TRPC4: variants seen among roughly 807,000 people sequenced by gnomAD.
TRPC4 encodes transient receptor potential cation channel subfamily C member 4.
A neutral mutation model predicts 99.4 loss-of-function variants in TRPC4; 49 were observed. The ratio of observed to expected loss-of-function variants is 0.49; its 90% CI spans 0.39 to 0.63. The LOEUF is 0.63. TRPC4 is among the 20% of genes least tolerant of loss of function. The pLI, the probability that TRPC4 is intolerant of heterozygous loss-of-function variation, is 0.00. For missense variants in TRPC4, 898 were observed against 1,152.9 expected (o/e 0.78, Z 3.20); for synonymous variants, 454 against 425.9 (o/e 1.07, Z -0.81).
chr13:37,713,508 A>T (rs1954555367), intron 3 of TRPC4, among the ~76,000 whole-genome samples: 1 of 152,138 alleles, frequency 6.6e-6, no homozygotes, highest in South Asian at 2.1e-4. Context: ...GTTTCTCATT[A>T]TCTGAATAAC....
At chr13:37,723,554 T>G (rs1353733064) in intron 3 of TRPC4, among the ~76,000 whole-genome samples, 1 of 152,118 alleles carries the variant, frequency 6.6e-6, no homozygotes, top group Non-Finnish European at 1.5e-5. Flanking sequence ...AAATTATTGT[T>G]TTTTTGTTTT....
chr13:37,727,173 C>T (rs1229080831), intron 3 of TRPC4, among the ~76,000 whole-genome samples: 6 of 151,960 alleles, frequency 3.9e-5, no homozygotes, highest in Admixed American at 3.3e-4. Context: ...GGGTAGACCA[C>T]GTGTTAGGTC....
chr13:37,732,716 C>T (rs540013860), intron 3 of TRPC4, among the ~76,000 whole-genome samples: 77 of 152,018 alleles, frequency 5.1e-4, no homozygotes, highest in African/African-American at 1.8e-3. Flanking sequence ...ATTTCATTTA[C>T]AAAAGGTACA....
chr13:37,747,533 G>C (rs1171156092), intron 2 of TRPC4, among the ~76,000 whole-genome samples: 1 of 152,004 alleles, frequency 6.6e-6, no homozygotes, highest in Admixed American at 6.6e-5. Flanking sequence ...GATGACTCAC[G>C]TCACATTGAA....
intron 3 of TRPC4, among the ~76,000 whole-genome samples, chr13:37,726,681 A>G (rs1014806630): frequency 2.0e-5 from 3 of 152,166 alleles, no homozygotes; most frequent in Non-Finnish European, 4.4e-5. Flanking sequence ...TGAATAAGAC[A>G]TGGCTCAACT....
At chr13:37,684,710 A>G (rs1382591925) in intron 4 of TRPC4, among the ~76,000 whole-genome samples, 1 of 151,870 alleles carries the variant, frequency 6.6e-6, no homozygotes, top group Non-Finnish European at 1.5e-5. Flanking sequence ...ACCACCTTCC[A>G]CTTAATACAA....
intron 2 of TRPC4, among the ~76,000 whole-genome samples, chr13:37,776,558 C>A (rs997892855): frequency 6.6e-6 from 1 of 151,736 alleles, no homozygotes; most frequent in African/African-American, 2.4e-5. Flanking sequence ...CAGGATTTGA[C>A]CTCAAACAGG....
intron 3 of TRPC4, among the ~76,000 whole-genome samples, chr13:37,735,233 T>A (rs558049151): frequency 2.8e-3 from 426 of 152,246 alleles, no homozygotes; most frequent in African/African-American, 9.5e-3. Context: ...CCCTCTCACA[T>A]GCATAATTTA....
chr13:37,827,249 G>A lies in TRPC4; in HGVS notation c.-28+42346C>T, dbSNP rs185175150. On this transcript the variant is annotated intron_variant, in intron 1 of 10. Transcript: ENST00000379705. ...TCCCATAGCTCAGAGGAATTTGATC[G>A]TCTGAAGCCTTCTTCTCTCAGCTCA... Among the ~76,000 whole-genome samples, 428 of 152,010 alleles carry A rather than the reference G, an allele frequency of 2.8e-3. 1 individual carries two copies. The highest frequency in any genetic ancestry group is 9.7e-3 in the African/African-American group (404 of 41,468).
chr13:37,816,326 T>C (rs762647167), intron 1 of TRPC4, among the ~76,000 whole-genome samples: 16 of 151,906 alleles, frequency 1.1e-4, no homozygotes, highest in Non-Finnish European at 1.6e-4. Context: ...ATTAGACAGA[T>C]CACTGAGGCA....
Position 37,692,141 on chromosome 13 carries a change from G to C in TRPC4, c.1092C>G (p.Ile364Met), listed in dbSNP as rs370520945. 1 of 1,614,154 alleles carries C rather than the reference G, an allele frequency of 6.2e-7. No individual in the cohort carries two copies. The highest frequency in any genetic ancestry group is 8.5e-7 in the Non-Finnish European group (1 of 1,180,022). ...PLGLFIRKPF[I>M]KFICHTASYL... is the part of the protein sequence containing the mutation. ...AGGAGGCTGTGTGGCAGATAAACTT[G>C]ATAAATGGCTTCCTGATGAACAGTC... Residue 364 changes from isoleucine to methionine, a missense_variant, in exon 4 of 11, where the codon ATC becomes ATG. By Grantham distance (10) the Ile-to-Met change is conservative. Transcript: ENST00000379705.
intron 3 of TRPC4, among the ~76,000 whole-genome samples, chr13:37,722,783 A>C (rs1003336845): frequency 1.3e-5 from 2 of 152,198 alleles, no homozygotes; most frequent in Non-Finnish European, 2.9e-5. Flanking sequence ...TTAATTAGTA[A>C]ATAAACACTT....
rs77410685 is a variant in TRPC4, at chr13:37,866,346, A to G, written c.-28+3249T>C. Among the ~76,000 whole-genome samples the G allele has an allele frequency of 9.0e-3, 1,368 of 151,896 alleles. 39 individuals are homozygous for G. The East Asian group carries it at 0.1, about 11-fold the overall frequency. ...CTAATATTAATAGGATATTACATAC[A>G]GTTTAGTTACAATAGTAGATCAAGT... is the stretch of plus-strand genomic sequence containing the variant. On this transcript the variant is annotated intron_variant, in intron 1 of 10. Coordinates refer to ENST00000379705, the MANE Select transcript of TRPC4 (RefSeq NM_016179.4).
At chr13:37,847,521 C>A (rs1323146690) in intron 1 of TRPC4, among the ~76,000 whole-genome samples, 2 of 151,958 alleles carry the variant, frequency 1.3e-5, no homozygotes, top group Non-Finnish European at 2.9e-5. Flanking sequence ...ACATGCTAAA[C>A]CTATGGAATG....
chr13:37,802,375 T>C (rs537664179), intron 1 of TRPC4, among the ~76,000 whole-genome samples: 1 of 152,246 alleles, frequency 6.6e-6, no homozygotes, highest in Non-Finnish European at 1.5e-5. Flanking sequence ...GTCTCCTTAA[T>C]ATTCTCCAAT....
chr13:37,682,221 G>A (rs976288779), intron 4 of TRPC4, among the ~76,000 whole-genome samples: 1 of 152,118 alleles, frequency 6.6e-6, no homozygotes, highest in Non-Finnish European at 1.5e-5. Context: ...TATTTAAGCC[G>A]CAAAGCTGTC....
In TRPC4 at chr13:37,812,192, A is replaced by AAAC. The variant is rs1289854253; in HGVS notation, c.-27-28833_-27-28832insGTT. On this transcript the variant is annotated intron_variant, in intron 1 of 10. Transcript: ENST00000379705. ...AGACTCTATCAAAAAAAAAAAAAAA[A>AAAC]AAACCAGGAGATCTAATTGCTTCAA... is the stretch of plus-strand genomic sequence containing the variant. Among the ~76,000 whole-genome samples, 11 of 147,726 alleles carry AAAC rather than the reference A, an allele frequency of 7.4e-5. 1 individual carries two copies. Among genetic ancestry groups the AAAC allele is most frequent in the South Asian group, 2.1e-4 (1 of 4,748 alleles).
rs1491576353 is a variant in TRPC4, at chr13:37,696,932, TTA to T, written c.898-4599_898-4598del. On this transcript the variant is annotated intron_variant, in intron 3 of 10. Coordinates refer to ENST00000379705, the MANE Select transcript of TRPC4 (RefSeq NM_016179.4). ...CTGAAACATCTTTTTTTTTTTTTTTTTAAATCTTTTATTTCATCTCCTACATC... is the reference window on the plus strand; with the variant it reads ...CTGAAACATCTTTTTTTTTTTTTTTTAATCTTTTATTTCATCTCCTACATC... Among the ~76,000 whole-genome samples the T allele has an allele frequency of 1.7e-4, 26 of 151,414 alleles. No individual in the cohort carries two copies. In the South Asian group the frequency reaches 2.5e-3, roughly 15 times the overall value.
chr13:37,848,142 A>G (rs1308277594), intron 1 of TRPC4, among the ~76,000 whole-genome samples: 1 of 152,212 alleles, frequency 6.6e-6, no homozygotes, highest in Non-Finnish European at 1.5e-5. Flanking sequence ...GCTGAGGAGC[A>G]TCTGTAATAG....
Sources: allele counts gnomAD v4.1 joint callset (sites outside exome capture counted in the v4.1 genomes callset), GRCh38; gene constraint gnomAD v4.1.1; transcripts MANE v1.5; gene names NCBI Gene and HGNC (gene_info 2026-07-23, HGNC 2026-07-21).